The following CMYA5 variants were observed in gnomAD, a reference collection of about 807,000 sequenced individuals.
CMYA5 encodes cardiomyopathy associated 5, also known as cardiomyopathy-associated protein 5.
A neutral mutation model predicts 318.9 loss-of-function variants in CMYA5; 246 were observed. That is an observed-to-expected ratio of 0.77 (90% confidence interval 0.70 to 0.86). CMYA5 has a LOEUF of 0.86. Among genes scored for constraint, CMYA5 ranks in the 40% least tolerant of loss-of-function variants. CMYA5 has a pLI of 0.00. For synonymous variants in CMYA5, 1,641 were observed against 1,729.5 expected (o/e 0.95, Z 1.27); for missense variants, 4,589 against 4,678.2 (o/e 0.98, Z 0.56).
chr5:79,700,839 T>G (rs548728326), intron 1 of CMYA5, among the ~76,000 whole-genome samples: 28 of 152,248 alleles, frequency 1.8e-4, no homozygotes, highest in Middle Eastern at 3.4e-3. Flanking sequence ...TCTCAGTCAT[T>G]GGGAGCTAAG....
At chr5:79,711,925 T>C (rs1299087618) in intron 1 of CMYA5, among the ~76,000 whole-genome samples, 1 of 152,230 alleles carries the variant, frequency 6.6e-6, no homozygotes, top group African/African-American at 2.4e-5. Context: ...ATTTTCAGTA[T>C]GATCCCCTTC....
chr5:79,730,059 C>G lies in CMYA5; in HGVS notation c.1294C>G (p.His432Asp). 2 of 1,613,886 alleles carry G rather than the reference C, an allele frequency of 1.2e-6. No individual in the cohort carries two copies. The highest frequency in any genetic ancestry group is 1.6e-4 in the Middle Eastern group (1 of 6,062). ...VKKEDVYSAH[H>D]SISLEAASPG... ...GAAGGAAGATGTGTATTCTGCTCAC[C>G]ATTCCATTTCTCTGGAGGCAGCGTC... is the stretch of plus-strand genomic sequence containing the variant. The change falls in exon 2 of 13, where the codon CAT becomes GAT. Residue 432 changes from histidine to aspartate, a missense_variant. Coordinates refer to ENST00000446378, the MANE Select transcript of CMYA5 (RefSeq NM_153610.5).
At chr5:79,750,352 G>A (rs1193423624) in intron 5 of CMYA5, among the ~76,000 whole-genome samples, 1 of 152,198 alleles carries the variant, frequency 6.6e-6, no homozygotes, top group Non-Finnish European at 1.5e-5. Flanking sequence ...TAAGAATACA[G>A]TATATAATAT....
chr5:79,778,227 G>A (rs987277364), intron 9 of CMYA5: 3 of 152,116 alleles, frequency 2.0e-5, no homozygotes, highest in Admixed American at 6.5e-5. Flanking sequence ...AATAAACCTT[G>A]TGCATATATC....
At chr5:79,770,101 G>T (rs754471477) in intron 9 of CMYA5, among the ~76,000 whole-genome samples, 4 of 152,180 alleles carry the variant, frequency 2.6e-5, no homozygotes, top group Non-Finnish European at 5.9e-5. Flanking sequence ...TGTTGACACC[G>T]TGAGGGGAAA....
intron 1 of CMYA5, among the ~76,000 whole-genome samples, chr5:79,722,639 T>G (rs1827662757): frequency 7.4e-6 from 1 of 135,522 alleles, no homozygotes; most frequent in Non-Finnish European, 1.5e-5. Context: ...ATTGTGCCCC[T>G]GCACTCCAGC....
intron 12 of CMYA5, among the ~76,000 whole-genome samples, chr5:79,795,206 G>T (rs1294156665): frequency 6.6e-6 from 1 of 151,662 alleles, no homozygotes; most frequent in Non-Finnish European, 1.5e-5. Flanking sequence ...CCCTTTGTGT[G>T]GTCTCAGCAC....
At chr5:79,726,095 G>A (rs1433381993) in intron 1 of CMYA5, among the ~76,000 whole-genome samples, 1 of 152,170 alleles carries the variant, frequency 6.6e-6, no homozygotes, top group Non-Finnish European at 1.5e-5. Flanking sequence ...AAATGAGTAA[G>A]CAACGATTGA....
chr5:79,789,512 C>T (rs1829139341), intron 10 of CMYA5, among the ~76,000 whole-genome samples: 1 of 152,032 alleles, frequency 6.6e-6, no homozygotes, highest in African/African-American at 2.4e-5. Flanking sequence ...GCACCCTCTG[C>T]CTCCTAGGTT....
chr5:79,732,388 A>G lies in CMYA5; in HGVS notation c.3623A>G (p.Glu1208Gly), dbSNP rs1359814728. The G allele has an allele frequency of 1.9e-6, 3 of 1,613,694 alleles. No individual in the cohort carries two copies. Among genetic ancestry groups the G allele is most frequent in the Middle Eastern group, 3.3e-4 (2 of 6,084 alleles). ...GCTTTGTCAAAAGTCAGAAAGGAAG[A>G]AATTGTGCCTGATTCTCAAGAAGCT... The part of the protein sequence containing the change: ...QMALSKVRKE[E>G]IVPDSQEATA... The change falls in exon 2 of 13, where the codon GAA becomes GGA. Residue 1208 changes from glutamate (E) to glycine (G), a missense_variant. By Grantham distance (98) the Glu-to-Gly change is moderately conservative (BLOSUM62 -2). Around this residue, in one of 3 missense-constraint regions of CMYA5, gnomAD observed 2,132 missense variants for 2,131.3 expected, o/e 1.00. Coordinates refer to ENST00000446378, the MANE Select transcript of CMYA5 (RefSeq NM_153610.5).
intron 9 of CMYA5, among the ~76,000 whole-genome samples, chr5:79,777,283 A>G (rs1828955247): frequency 6.6e-6 from 1 of 152,104 alleles, no homozygotes; most frequent in African/African-American, 2.4e-5. Flanking sequence ...TACCTACCCA[A>G]TTCTCCTCCC....
chr5:79,773,923 C>CA (rs900151512), intron 9 of CMYA5, among the ~76,000 whole-genome samples: 3 of 151,950 alleles, frequency 2.0e-5, no homozygotes, highest in Non-Finnish European at 2.9e-5. Flanking sequence ...AACAAAAAGG[C>CA]AAAAAAAGAT....
At chr5:79,695,207 A>G (rs1469486952) in intron 1 of CMYA5, among the ~76,000 whole-genome samples, 1 of 152,222 alleles carries the variant, frequency 6.6e-6, no homozygotes, top group African/African-American at 2.4e-5. Context: ...AATCAAGTAC[A>G]AGAGACCAGT....
At chr5:79,797,742 T>G (rs891881722) in intron 12 of CMYA5, among the ~76,000 whole-genome samples, 2 of 152,208 alleles carry the variant, frequency 1.3e-5, no homozygotes, top group African/African-American at 2.4e-5. Flanking sequence ...GGCCCCTGAC[T>G]TACTTATCCA....
Position 79,736,479 on chromosome 5 carries a change from TCA to T in CMYA5, c.7715_7716del (p.Ser2572Ter). 2 of 1,611,212 alleles carry T rather than the reference TCA, an allele frequency of 1.2e-6. No individual in the cohort carries two copies. The highest frequency in any genetic ancestry group is 1.7e-6 in the Non-Finnish European group (2 of 1,178,450). ...VNVAESMSRE[S>X]DISLGHSLGE... Reference sequence around the variant, plus strand: ...TGTAGCCGAGTCTATGAGTAGAGAATCAGATATCTCTTTAGGTCATTCTTTGG... The same window carrying T: ...TGTAGCCGAGTCTATGAGTAGAGAATGATATCTCTTTAGGTCATTCTTTGG... On this transcript the variant is annotated frameshift_variant, in exon 2 of 13. Transcript: ENST00000446378. LOFTEE classifies it high-confidence loss of function.
chr5:79,694,151 T>C (rs913543417), intron 1 of CMYA5, among the ~76,000 whole-genome samples: 2 of 152,200 alleles, frequency 1.3e-5, no homozygotes, highest in African/African-American at 4.8e-5. Context: ...TAGGGCTTTG[T>C]AGCCCATGGT....
chr5:79,753,108 A>G (rs1828463723), intron 6 of CMYA5, among the ~76,000 whole-genome samples: 1 of 150,846 alleles, frequency 6.6e-6, no homozygotes, highest in South Asian at 2.1e-4. Context: ...CTCTCTTCTC[A>G]TTTGCCTCAT....
At chr5:79,790,661 G>C (rs1380979781) in intron 10 of CMYA5, among the ~76,000 whole-genome samples, 4 of 152,216 alleles carry the variant, frequency 2.6e-5, no homozygotes, top group Non-Finnish European at 5.9e-5. Context: ...GGGTCCGAGA[G>C]TCTGAATTTG....
rs188105600 is a variant in CMYA5 at position 79,753,744 on chromosome 5, G to A, written c.11110+950G>A. Among the ~76,000 whole-genome samples, 50 of 122,398 alleles carry A rather than the reference G, an allele frequency of 4.1e-4. 1 individual carries two copies. Among genetic ancestry groups the A allele is most frequent in the African/African-American group, 1.3e-3 (44 of 34,886 alleles). 80.3% of individuals were successfully genotyped at this position (122,398 alleles called of 152,430 possible). On this transcript the variant is annotated intron_variant, in intron 6 of 12. Transcript: ENST00000446378. ...ATGTCTAAAAAGACAAAAACAACAC[G>A]ACACCACACAACACACAAAAACCCA... is the stretch of plus-strand genomic sequence containing the variant.
Sources: allele counts gnomAD v4.1 joint callset (sites outside exome capture counted in the v4.1 genomes callset), GRCh38; gene constraint gnomAD v4.1.1; regional missense constraint gnomAD v4.1.1; transcripts MANE v1.5; gene names NCBI Gene and HGNC (gene_info 2026-07-23, HGNC 2026-07-21).